NOL4L: variants seen among roughly 807,000 people sequenced by gnomAD.
The protein encoded by NOL4L is nucleolar protein 4 like.
NOL4L carries 7 observed loss-of-function variants against 64.5 expected under a neutral mutation model. That is an observed-to-expected ratio of 0.11 (90% CI 0.06 to 0.20). NOL4L has a LOEUF of 0.20. NOL4L is among the 10% of genes least tolerant of loss of function. The probability of loss-of-function intolerance (pLI) is 1.00; values close to 1 mark genes in which losing one functional copy is unlikely to be tolerated. For synonymous variants in NOL4L, 413 were observed against 401.0 expected (o/e 1.03, Z -0.36); for missense variants, 680 against 967.1 (o/e 0.70, Z 3.94).
rs189099027 is a variant in NOL4L at position 32,453,116 on chromosome 20, G to A, written c.1498-110C>T. 421 of 1,501,340 alleles carry A rather than the reference G, an allele frequency of 2.8e-4. 1 individual carries two copies. The highest frequency in any genetic ancestry group is 2.7e-3 in the African/African-American group (196 of 72,494). The allele number at this position is 1,501,340 out of a possible 1,614,324, so 93.0% of individuals were successfully genotyped here. A position where few individuals can be genotyped will look rare whatever the true frequency, so the allele number is the denominator to read the frequency against. ...CACAGGGTGGGGTTTGGGCTCCAGC[G>A]CCTCAGTCTATGGAGCTGTGTGATC... On this transcript the variant is annotated intron_variant, in intron 8 of 10. Coordinates refer to ENST00000621426, the MANE Select transcript of NOL4L (RefSeq NM_001256798.2). The surrounding 1 kb of genome is among the most constrained non-coding windows in gnomAD (Gnocchi z 5.6).
At chr20:32,506,249 T>C (rs2017135695) in intron 4 of NOL4L, among the ~76,000 whole-genome samples, 1 of 152,016 alleles carries the variant, frequency 6.6e-6, no homozygotes, top group Non-Finnish European at 1.5e-5. Flanking sequence ...AGTCCTGGCC[T>C]CCTTCTCCTC....
chr20:32,496,014 C>T (rs979169846), intron 4 of NOL4L, among the ~76,000 whole-genome samples: 3 of 152,122 alleles, frequency 2.0e-5, no homozygotes, highest in Admixed American at 6.5e-5. Context: ...TCTCCACTTT[C>T]GACCTGAGAC....
At chr20:32,569,785 C>T (rs1469957589) in intron 1 of NOL4L, among the ~76,000 whole-genome samples, 1 of 152,174 alleles carries the variant, frequency 6.6e-6, no homozygotes, top group East Asian at 1.9e-4. Context: ...TCCTGTTCAC[C>T]ACCACAGAGG....
intron 1 of NOL4L, among the ~76,000 whole-genome samples, chr20:32,554,394 C>T (rs1483708883): frequency 6.6e-6 from 1 of 150,870 alleles, no homozygotes; most frequent in Non-Finnish European, 1.5e-5. Context: ...GAGGTGAAGG[C>T]GCTTGTCACA....
intron 1 of NOL4L, among the ~76,000 whole-genome samples, chr20:32,559,465 A>G (rs1029180004): frequency 3.9e-5 from 6 of 152,226 alleles, no homozygotes; most frequent in African/African-American, 1.4e-4. Context: ...CTTTCTCCTC[A>G]AGGGCAGAGT....
chr20:32,535,614 C>T (rs1238659102), intron 1 of NOL4L: 1 of 985,604 alleles, frequency 1.0e-6, no homozygotes, highest in African/African-American at 1.7e-5. Context: ...AAAACGCACA[C>T]CCCAGGCCAC....
At chr20:32,503,061 C>T (rs1200045816) in intron 4 of NOL4L, among the ~76,000 whole-genome samples, 15 of 152,210 alleles carry the variant, frequency 9.9e-5, no homozygotes, top group Admixed American at 5.2e-4. Context: ...AAGCTCACAG[C>T]GGCTTCTCCA....
intron 1 of NOL4L, among the ~76,000 whole-genome samples, chr20:32,547,156 C>A (rs1378774146): frequency 1.3e-5 from 2 of 152,192 alleles, no homozygotes; most frequent in Non-Finnish European, 2.9e-5. Flanking sequence ...CTCTTCACTC[C>A]AGCCCCAGGA....
At chr20:32,489,832 G>A (rs530164452) in intron 4 of NOL4L, among the ~76,000 whole-genome samples, 13 of 146,154 alleles carry the variant, frequency 8.9e-5, no homozygotes, top group East Asian at 4.2e-4. Context: ...AAATAAATAA[G>A]TAAATAAGTT....
chr20:32,488,790 CCTTTCTTT>C (rs1419889746), intron 4 of NOL4L, among the ~76,000 whole-genome samples: 3 of 39,752 alleles, frequency 7.5e-5, no homozygotes, highest in Admixed American at 5.7e-4. Flanking sequence ...TTCCTTCCTT[CCTTTCTTT>C]CTTTCTTTTT....
intron 1 of NOL4L, chr20:32,535,640 G>A (rs891209426): frequency 1.0e-6 from 1 of 985,462 alleles, no homozygotes; most frequent in African/African-American, 1.7e-5. Flanking sequence ...AAGGTGCCTG[G>A]GACCAGCCCC....
At chr20:32,456,434 C>T (rs750622830) in intron 5 of NOL4L, 39 bp from the exon 6 acceptor site, 4 of 1,427,490 alleles carry the variant, frequency 2.8e-6, no homozygotes, top group Non-Finnish European at 3.7e-6. Context: ...CCACCCAAGG[C>T]ACTGTGGCCA....
chr20:32,495,156 G>A (rs554974604), intron 4 of NOL4L, among the ~76,000 whole-genome samples: 2 of 152,380 alleles, frequency 1.3e-5, no homozygotes, highest in African/African-American at 2.4e-5. Context: ...AGGGAAAACT[G>A]TCACGGCTGC....
At chr20:32,551,331 A>G (rs2018798612) in intron 1 of NOL4L, among the ~76,000 whole-genome samples, 2 of 151,520 alleles carry the variant, frequency 1.3e-5, no homozygotes, top group Admixed American at 1.3e-4. Context: ...AGCCAAGATC[A>G]TGCCACTGCA....
At chr20:32,528,753 C>G (rs1568690752) in intron 1 of NOL4L, among the ~76,000 whole-genome samples, 1 of 152,212 alleles carries the variant, frequency 6.6e-6, no homozygotes, top group African/African-American at 2.4e-5. Flanking sequence ...TGCTGGGGAA[C>G]TGCTCCGTGC....
chr20:32,459,208 C>T, intron 5 of NOL4L, among the ~76,000 whole-genome samples: 1 of 151,520 alleles, frequency 6.6e-6, no homozygotes, highest in East Asian at 1.9e-4. Flanking sequence ...ATTATGTAAA[C>T]AGATTTTAAA....
chr20:32,573,691 C>T (rs908464110), intron 1 of NOL4L: 17 of 194,980 alleles, frequency 8.7e-5, no homozygotes, highest in Non-Finnish European at 1.5e-4. Flanking sequence ...CAGCAGTAAG[C>T]GGCAGAACCT....
At position 32,452,344 on chromosome 20, in the gene NOL4L, C is replaced by T; in HGVS notation, c.1714G>A (p.Asp572Asn). The stretch of plus-strand genomic sequence containing the variant: ...AGGCCGCCGTTGGCGTACACAGGGT[C>T]CTGGGAGTAGGAGGAGGCTGGCAGT... ...YSLPASSYSQ[D>N]PVYANGGLNY... The change falls in exon 10 of 11, where the codon GAC becomes AAC. Residue 572 changes from aspartate to asparagine, a missense_variant. Physicochemically the swap from Asp to Asn is conservative, Grantham distance 23 (BLOSUM62 1). Coordinates refer to ENST00000621426, the MANE Select transcript of NOL4L (RefSeq NM_001256798.2). 6.2e-7 allele frequency: 1 copy of T among 1,612,124 alleles called. No homozygotes were observed.
At chr20:32,579,252 C>A (rs1486268796) in intron 1 of NOL4L, among the ~76,000 whole-genome samples, 1 of 152,190 alleles carries the variant, frequency 6.6e-6, no homozygotes, top group Admixed American at 6.5e-5. Flanking sequence ...TGCACACACT[C>A]CACGCACACA....
Sources: allele counts gnomAD v4.1 joint callset (sites outside exome capture counted in the v4.1 genomes callset), GRCh38; gene constraint gnomAD v4.1.1; non-coding constraint Gnocchi (gnomAD v3.1); transcripts MANE v1.5; gene names NCBI Gene and HGNC (gene_info 2026-07-23, HGNC 2026-07-21).